Variants in HSPA14 observed in about 807,000 individuals in gnomAD.
The protein encoded by HSPA14 is heat shock protein family A (Hsp70) member 14.
Under a neutral mutation model 65.5 loss-of-function variants are expected in HSPA14, and 37 were observed. The ratio of observed to expected loss-of-function variants is 0.56; its 90% CI spans 0.43 to 0.74. HSPA14 has a LOEUF of 0.74. Ranked by LOEUF, HSPA14 falls within the 30% of genes least tolerant of loss-of-function variation. The pLI, the probability that HSPA14 is intolerant of heterozygous loss-of-function variation, is 0.00. For missense variants in HSPA14, 564 were observed against 607.6 expected (o/e 0.93, Z 0.75); for synonymous variants, 203 against 214.2 (o/e 0.95, Z 0.46).
At position 14,838,329 on chromosome 10, in the gene HSPA14, G is replaced by C; in HGVS notation, c.-74G>C. 6.9e-7 allele frequency: 1 copy of C among 1,441,530 alleles called. No individual in the cohort carries two copies. The highest frequency in any genetic ancestry group is 9.5e-7 in the Non-Finnish European group (1 of 1,055,204). The allele number at this position is 1,441,530 out of a possible 1,614,324, so 89.3% of individuals were successfully genotyped here. The stretch of plus-strand genomic sequence containing the variant: ...ACGTGAAGCTCCGCGGTGCCTGATG[G>C]GGCCGTTGGGCGGCCGGTAGCTGTT... On this transcript the variant is annotated 5_prime_UTR_variant, in exon 1 of 14. Transcript: ENST00000378372.
intron 3 of HSPA14, among the ~76,000 whole-genome samples, chr10:14,848,265 T>G (rs1210031697): frequency 1.3e-5 from 2 of 152,192 alleles, no homozygotes; most frequent in Admixed American, 1.3e-4. Context: ...TCTCAGTGGT[T>G]GGGTCTTCAG....
rs759310450 is a variant in HSPA14 at position 14,852,498 on chromosome 10, C to T, written c.701C>T (p.Thr234Ile). The change falls in exon 8 of 14, where the codon ACC becomes ATC. Residue 234 changes from threonine (T) to isoleucine (I), a missense_variant. Thr to Ile is a moderately conservative substitution (Grantham distance 89, BLOSUM62 -1). Transcript: ENST00000378372. Reference sequence around the variant, plus strand: ...ATCGGTGGTGCACATTTCACAGAAACCTTAGCACAGTATCTAGCTTCTGAG... The same window carrying T: ...ATCGGTGGTGCACATTTCACAGAAATCTTAGCACAGTATCTAGCTTCTGAG... ...DNIGGAHFTE[T>I]LAQYLASEFQ... The T allele has an allele frequency of 4.9e-5, 79 of 1,613,618 alleles. No individual in the cohort carries two copies. The highest frequency in any genetic ancestry group is 5.3e-5 in the Non-Finnish European group (63 of 1,179,810).
At position 14,859,043 on chromosome 10, in the gene HSPA14, G is replaced by T. The variant is rs113734474; in HGVS notation, c.993+3100G>T. The stretch of plus-strand genomic sequence containing the variant: ...CTCATCTCTTGCTTGAGGGGGACAG[G>T]TTTCTGGCCTGAGAGCAGAGAGCTT... On this transcript the variant is annotated intron_variant, in intron 10 of 13. Transcript: ENST00000378372. Among the ~76,000 whole-genome samples, 877 of 152,206 alleles carry T rather than the reference G, an allele frequency of 5.8e-3. 12 individuals are homozygous for T. The highest frequency in any genetic ancestry group is 0.019 in the African/African-American group (808 of 41,524).
At chr10:14,839,268 C>T (rs1296813672) in intron 1 of HSPA14, among the ~76,000 whole-genome samples, 1 of 152,230 alleles carries the variant, frequency 6.6e-6, no homozygotes, top group African/African-American at 2.4e-5. Context: ...AATACTACTT[C>T]ATTTGTAGAA....
chr10:14,848,202 C>G (rs982182798), intron 3 of HSPA14, among the ~76,000 whole-genome samples: 1 of 152,166 alleles, frequency 6.6e-6, no homozygotes, highest in Non-Finnish European at 1.5e-5. Flanking sequence ...AGAAACCAAG[C>G]AACGAAGATG....
At chr10:14,846,420 C>T (rs1834054127) in intron 3 of HSPA14, 6 of 985,154 alleles carry the variant, frequency 6.1e-6, no homozygotes, top group Non-Finnish European at 7.2e-6. Flanking sequence ...GGTAAAGTAA[C>T]CCTAATGTGG....
chr10:14,866,919 G>A (rs995975656), intron 10 of HSPA14, among the ~76,000 whole-genome samples, 164 bp from the exon 11 acceptor site: 4 of 152,072 alleles, frequency 2.6e-5, no homozygotes, highest in South Asian at 2.1e-4. Flanking sequence ...TTAAATATAT[G>A]TTTGTGTATT....
chr10:14,839,014 G>T (rs1833932951), intron 1 of HSPA14, among the ~76,000 whole-genome samples: 1 of 152,172 alleles, frequency 6.6e-6, no homozygotes, highest in African/African-American at 2.4e-5. Context: ...GAACGTCTAG[G>T]TCCCGGAGGG....
chr10:14,859,186 C>T (rs923286790), intron 10 of HSPA14, among the ~76,000 whole-genome samples: 26 of 152,124 alleles, frequency 1.7e-4, no homozygotes, highest in African/African-American at 2.9e-4. Flanking sequence ...TATGTGTTGA[C>T]GACCTCCCTC....
In HSPA14 at chr10:14,851,235, G is replaced by C; in HGVS notation, c.484G>C (p.Ala162Pro). The C allele has an allele frequency of 1.9e-6, 3 of 1,605,186 alleles. No individual in the cohort carries two copies. The highest frequency in any genetic ancestry group is 2.6e-6 in the Non-Finnish European group (3 of 1,173,544). The change falls in exon 7 of 14, where the codon GCT becomes CCT. Residue 162 changes from alanine (A) to proline (P), a missense_variant. Ala to Pro is a conservative substitution (Grantham distance 27). Coordinates refer to ENST00000378372, the MANE Select transcript of HSPA14 (RefSeq NM_016299.4). ...TGTTCACAGAGAAGCAGCTAGAGCT[G>C]CTGGATTTAATGTTTTGCGATTAAT... ...KNALGEAARA[A>P]GFNVLRLIHE...
chr10:14,863,188 C>T (rs1421844194), intron 10 of HSPA14, among the ~76,000 whole-genome samples: 1 of 152,030 alleles, frequency 6.6e-6, no homozygotes, highest in African/African-American at 2.4e-5. Context: ...TTTTTTTCTG[C>T]AATAATTTAT....
chr10:14,852,440 T>C lies in HSPA14; in HGVS notation c.643T>C (p.Tyr215His). 6.2e-7 allele frequency: 1 copy of C among 1,613,900 alleles called. No individual in the cohort carries two copies. The highest frequency in any genetic ancestry group is 2.2e-5 in the East Asian group (1 of 44,866). ...LSVMEVNSGIYRVLSTNTDDN... is the reference protein window; with the variant it reads ...LSVMEVNSGIHRVLSTNTDDN... ...CGTCATGGAAGTTAACAGTGGAATATATCGGGTTCTTTCAACAAACACTGA... is the reference window on the plus strand; with the variant it reads ...CGTCATGGAAGTTAACAGTGGAATACATCGGGTTCTTTCAACAAACACTGA... Residue 215 changes from tyrosine (Y) to histidine (H), a missense_variant, in exon 8 of 14, where the codon TAT becomes CAT. Coordinates refer to ENST00000378372, the MANE Select transcript of HSPA14 (RefSeq NM_016299.4).
At chr10:14,844,490 CTATAAGCACA>C (rs374406484) in intron 3 of HSPA14, 124,411 of 985,376 alleles carry the variant, frequency 0.13, 9,075 homozygotes, top group East Asian at 0.27. Flanking sequence ...CATTAGACGA[CTATAAGCACA>C]ACCTGTATTT....
At chr10:14,858,651 A>G (rs891786966) in intron 10 of HSPA14, among the ~76,000 whole-genome samples, 3 of 152,202 alleles carry the variant, frequency 2.0e-5, no homozygotes, top group African/African-American at 7.2e-5. Context: ...TGGGTATGAC[A>G]GAGGGGCAGA....
chr10:14,849,064 C>T (rs1019167772), intron 5 of HSPA14, among the ~76,000 whole-genome samples, 169 bp downstream of exon 5: 2 of 152,018 alleles, frequency 1.3e-5, no homozygotes, highest in East Asian at 1.9e-4. Flanking sequence ...GGTATGTGCC[C>T]GTGGTTAAAT....
intron 10 of HSPA14, among the ~76,000 whole-genome samples, chr10:14,860,562 A>C (rs1832743167): frequency 6.6e-6 from 1 of 152,220 alleles, no homozygotes; most frequent in Middle Eastern, 3.4e-3. Flanking sequence ...AGCCATGTGA[A>C]TATCTACCAG....
intron 3 of HSPA14, chr10:14,844,618 C>T: frequency 1.0e-6 from 1 of 985,300 alleles, no homozygotes; most frequent in Non-Finnish European, 1.2e-6. Context: ...TTCTTAGTCT[C>T]CTATCAATAT....
chr10:14,867,275 G>T lies in HSPA14; in HGVS notation c.1186G>T (p.Ala396Ser). 1.9e-6 allele frequency: 3 copies of T among 1,613,020 alleles called. No homozygotes were observed. Among genetic ancestry groups the T allele is most frequent in the Non-Finnish European group, 2.5e-6 (3 of 1,179,114 alleles). ...AGACTCTCTTATGATAGAGTGTTCA[G>T]CCAGAGATATTTTAGTTAAGGTATG... The part of the protein sequence containing the change: ...VEDSLMIECS[A>S]RDILVKGVDE... Residue 396 changes from alanine (A) to serine (S), a missense_variant, in exon 11 of 14, where the codon GCC (alanine) becomes TCC (serine). Coordinates refer to ENST00000378372, the MANE Select transcript of HSPA14 (RefSeq NM_016299.4).
At chr10:14,866,898 CTATAA>C (rs1832811357) in intron 10 of HSPA14, among the ~76,000 whole-genome samples, 180 bp from the exon 11 acceptor site, 1 of 151,996 alleles carries the variant, frequency 6.6e-6, no homozygotes, top group South Asian at 2.1e-4. Context: ...TGTTAAATAT[CTATAA>C]TATGTTTAAA....
Sources: allele counts gnomAD v4.1 joint callset (sites outside exome capture counted in the v4.1 genomes callset), GRCh38; gene constraint gnomAD v4.1.1; transcripts MANE v1.5; gene names NCBI Gene and HGNC (gene_info 2026-07-23, HGNC 2026-07-21).